Variants in ERCC6 observed in about 807,000 individuals in gnomAD.
ERCC6 encodes DNA excision repair protein ERCC-6.
ERCC6 carries 116 observed loss-of-function variants against 158.7 expected under a neutral mutation model. That is an observed-to-expected ratio of 0.73 (90% CI 0.63 to 0.85). The LOEUF (loss-of-function observed/expected upper bound fraction) is 0.85, where lower values mean the gene tolerates loss of function less well. Ranked by LOEUF, ERCC6 falls within the 40% of genes least tolerant of loss-of-function variation. The pLI, the probability that ERCC6 is intolerant of heterozygous loss-of-function variation, is 0.00. For missense variants in ERCC6, 1,698 were observed against 1,799.4 expected, an observed-to-expected ratio of 0.94 and a Z score of 1.02; for synonymous variants, 678 against 659.3, an observed-to-expected ratio of 1.03 and a Z score of -0.43.
At position 49,483,521 on chromosome 10, in the gene ERCC6, G is replaced by C. The variant is rs1282211065; in HGVS notation, c.1822-5C>G. On this transcript the variant is annotated splice_region_variant and splice_polypyrimidine_tract_variant and intron_variant, in intron 8 of 20. Transcript: ENST00000355832. The stretch of plus-strand genomic sequence containing the variant: ...AACATCTCGAATTAGTTTCTCCTGA[G>C]ACCACAATAAAATGGTAAAGTCAGT... The C allele has an allele frequency of 6.2e-7, 1 of 1,613,802 alleles. No individual in the cohort carries two copies. Among genetic ancestry groups the C allele is most frequent in the Admixed American group, 1.7e-5 (1 of 60,032 alleles).
At chr10:49,531,979 G>A (rs895344904) in intron 2 of ERCC6, among the ~76,000 whole-genome samples, 14 of 151,992 alleles carry the variant, frequency 9.2e-5, no homozygotes, top group African/African-American at 1.9e-4. Context: ...CCCCATTAAC[G>A]TGCTATGCTC....
At chr10:49,443,319 C>T in the ERCC6 span, among the ~76,000 whole-genome samples, 1 of 152,026 alleles carries the variant, frequency 6.6e-6, no homozygotes, top group Non-Finnish European at 1.5e-5. Context: ...AAAAAAAGTA[C>T]ACGCAAAAAA....
rs767247987 is a variant in ERCC6 at position 49,483,384 on chromosome 10, G to A, written c.1954C>T (p.Arg652Ter). 45 of 1,614,098 alleles carry A rather than the reference G, an allele frequency of 2.8e-5. No individual in the cohort carries two copies. The highest frequency in any genetic ancestry group is 3.7e-5 in the Non-Finnish European group (44 of 1,180,008). ...YVILDEGHKI[R>*]NPNAAVTLAC... is the part of the protein sequence containing the mutation. ...AGGGTGACAGCAGCATTTGGATTTC[G>A]AATTTTGTGTCCTTCGTCCAAGATC... Residue 652 changes from arginine to a stop codon, truncating the protein, a stop_gained, in exon 9 of 21, where the codon CGA (arginine) becomes TGA (stop). Coordinates refer to ENST00000355832, the MANE Select transcript of ERCC6 (RefSeq NM_000124.4). LOFTEE classifies it high-confidence loss of function.
intron 10 of ERCC6, 131 bp downstream of exon 10, chr10:49,482,556 T>TG (rs1286067640): frequency 8.8e-6 from 6 of 681,106 alleles, no homozygotes; most frequent in Non-Finnish European, 1.4e-5. Flanking sequence ...TTTTTTTTTT[T>TG]TAACCAGATA....
At chr10:49,508,377 G>A (rs566918269) in intron 5 of ERCC6, among the ~76,000 whole-genome samples, 3 of 151,984 alleles carry the variant, frequency 2.0e-5, no homozygotes, top group Non-Finnish European at 4.4e-5. Flanking sequence ...ACTCTGCATC[G>A]ACAAGATTCA....
chr10:49,492,991 A>C, intron 8 of ERCC6, 126 bp downstream of exon 8: 2 of 949,982 alleles, frequency 2.1e-6, no homozygotes, highest in African/African-American at 3.3e-5. Context: ...ATAATAAATT[A>C]ACTTTAAATG....
chr10:49,516,132 C>T (rs1245157305), intron 5 of ERCC6: 3 of 1,613,984 alleles, frequency 1.9e-6, no homozygotes, highest in Non-Finnish European at 2.5e-6. Context: ...AAGTGACGCA[C>T]CGACACCATA....
rs1051972870 is a variant in ERCC6 at position 49,455,355 on chromosome 10, T to G, written c.*3460A>C. On this transcript the variant is annotated 3_prime_UTR_variant, in exon 21 of 21. Coordinates refer to ENST00000355832, the MANE Select transcript of ERCC6 (RefSeq NM_000124.4). ...ATTCTCAAATTAATGTGTAAACAAA[T>G]GCAATCCTAGTCAAAAGAACACCAC... 2 of 152,208 alleles carry G rather than the reference T, an allele frequency of 1.3e-5. No individual in the cohort carries two copies. The highest frequency in any genetic ancestry group is 4.1e-4 in the South Asian group (2 of 4,830). The allele number at this position is 152,208 out of a possible 1,614,324, so 9.4% of individuals were successfully genotyped here. A position where few individuals can be genotyped will look rare whatever the true frequency, so the allele number is the denominator to read the frequency against.
At chr10:49,471,253 C>A in intron 16 of ERCC6, 133 bp from the exon 17 acceptor site, 3 of 859,834 alleles carry the variant, frequency 3.5e-6, no homozygotes, top group Non-Finnish European at 5.5e-6. Context: ...AAACTTTCAG[C>A]CTTGGAAAAT....
At chr10:49,469,518 T>A (rs1226477388) in intron 18 of ERCC6, among the ~76,000 whole-genome samples, 1 of 152,212 alleles carries the variant, frequency 6.6e-6, no homozygotes, top group African/African-American at 2.4e-5. Flanking sequence ...TGATTTAAGT[T>A]TGAAATTACT....
Position 49,516,847 on chromosome 10 carries a change from C to G in ERCC6, c.1397+7186G>C, listed in dbSNP as rs374594438. 9.3e-6 allele frequency: 15 copies of G among 1,614,074 alleles called. No homozygotes were observed. Among genetic ancestry groups the G allele is most frequent in the Non-Finnish European group, 1.3e-5 (15 of 1,180,040 alleles). On this transcript the variant is annotated intron_variant, in intron 5 of 20. Coordinates refer to ENST00000355832, the MANE Select transcript of ERCC6 (RefSeq NM_000124.4). ...TGCTGCACAGTAAACGTAGATGGAA[C>G]TTCATCAGGAGAGTCATCTTTAGGT...
intron 2 of ERCC6, 141 bp from the exon 3 acceptor site, chr10:49,530,981 T>G: frequency 1.7e-6 from 2 of 1,201,206 alleles, no homozygotes; most frequent in Non-Finnish European, 1.1e-6. Flanking sequence ...ATACATACCC[T>G]TATTGGCCAC....
At chr10:49,535,564 T>A (rs1837576891) in intron 1 of ERCC6, among the ~76,000 whole-genome samples, 1 of 152,202 alleles carries the variant, frequency 6.6e-6, no homozygotes, top group South Asian at 2.1e-4. Context: ...CAGTTAACAA[T>A]TCTGTTTTCA....
chr10:49,440,797 T>C, the ERCC6 span, among the ~76,000 whole-genome samples: 1 of 151,802 alleles, frequency 6.6e-6, no homozygotes, highest in African/African-American at 2.4e-5. Context: ...CAGGCGGGGG[T>C]TACAGGAATG....
intron 8 of ERCC6, among the ~76,000 whole-genome samples, chr10:49,486,247 A>G (rs1209273454): frequency 6.6e-6 from 1 of 152,168 alleles, no homozygotes; most frequent in Non-Finnish European, 1.5e-5. Flanking sequence ...AGAAAATAAA[A>G]CATTTACAAA....
Position 49,458,898 on chromosome 10 carries a change from G to A in ERCC6, c.4399C>T (p.Arg1467Ter), listed in dbSNP as rs762976316. 1.1e-5 allele frequency: 17 copies of A among 1,614,020 alleles called. No homozygotes were observed. Among genetic ancestry groups the A allele is most frequent in the African/African-American group, 4.0e-5 (3 of 74,902 alleles). The part of the protein sequence containing the change: ...KLSASQSCVF[R>*]ELLRNLCTFH... ...GTGCACAGATTTCTCAATAGTTCTC[G>A]GAAGACACAAGACTGTGATGCAGAT... The change falls in exon 21 of 21, where the codon CGA (arginine) becomes TGA (stop). Residue 1467 changes from arginine (R) to a stop codon, truncating the protein, a stop_gained. Transcript: ENST00000355832. LOFTEE classifies it high-confidence loss of function.
At chr10:49,521,295 T>C (rs892280137) in intron 5 of ERCC6, among the ~76,000 whole-genome samples, 1 of 152,202 alleles carries the variant, frequency 6.6e-6, no homozygotes, top group African/African-American at 2.4e-5. Context: ...CATGAAATGT[T>C]TGGTCTTCTG....
At chr10:49,451,344 C>A (rs1197106789), downstream of ERCC6, among the ~76,000 whole-genome samples, 1 of 151,980 alleles carries the variant, frequency 6.6e-6, no homozygotes. Flanking sequence ...TAATGGGCAT[C>A]CTTGTCTTAT....
chr10:49,532,200 G>C (rs764824796), intron 2 of ERCC6, among the ~76,000 whole-genome samples: 1 of 152,220 alleles, frequency 6.6e-6, no homozygotes, highest in Non-Finnish European at 1.5e-5. Flanking sequence ...GGGGCGCAAT[G>C]TATTCCTGGC....
Sources: gnomAD v4.1 joint callset for allele counts (sites outside exome capture counted in the v4.1 genomes callset) on GRCh38, gnomAD v4.1.1 for gene constraint, MANE v1.5 for transcripts, NCBI Gene and HGNC (gene_info 2026-07-23, HGNC 2026-07-21) for gene names.